The following GALNTL6 variants were observed in gnomAD, a reference collection of about 807,000 sequenced individuals.
GALNTL6 encodes the protein polypeptide N-acetylgalactosaminyltransferase like 6.
GALNTL6 carries 46 observed loss-of-function variants against 73.7 expected under a neutral mutation model. That is an observed-to-expected ratio of 0.62 (90% CI 0.49 to 0.80). The LOEUF (loss-of-function observed/expected upper bound fraction) is 0.80, where lower values mean the gene tolerates loss of function less well. Among genes scored for constraint, GALNTL6 ranks in the 30% least tolerant of loss-of-function variants. GALNTL6 has a pLI of 0.00. For missense variants in GALNTL6, 604 were observed against 755.0 expected, an observed-to-expected ratio of 0.80 and a Z score of 2.34; for synonymous variants, 259 against 263.7, an observed-to-expected ratio of 0.98 and a Z score of 0.17.
intron 2 of GALNTL6, among the ~76,000 whole-genome samples, chr4:171,940,398 A>T (rs1205614653): frequency 6.6e-6 from 1 of 152,122 alleles, no homozygotes; most frequent in South Asian, 2.1e-4. Context: ...TAATACATAT[A>T]GTGGTTGTTG....
chr4:172,090,434 C>T (rs923151081), intron 2 of GALNTL6, among the ~76,000 whole-genome samples: 4 of 152,194 alleles, frequency 2.6e-5, no homozygotes, highest in Admixed American at 6.5e-5. Flanking sequence ...TTTTGATTTA[C>T]ATTTCTCTAA....
intron 5 of GALNTL6, among the ~76,000 whole-genome samples, chr4:172,444,687 A>G (rs1731955389): frequency 6.6e-6 from 1 of 152,166 alleles, no homozygotes; most frequent in Non-Finnish European, 1.5e-5. Context: ...AAGCATGAGA[A>G]AGAAGATAAT....
chr4:172,534,870 A>C (rs1428732513), intron 5 of GALNTL6, among the ~76,000 whole-genome samples: 1 of 152,138 alleles, frequency 6.6e-6, no homozygotes, highest in Non-Finnish European at 1.5e-5. Flanking sequence ...CTGGCCTCTA[A>C]ATGACAGATT....
At chr4:172,137,391 T>C (rs1269377859) in intron 2 of GALNTL6, among the ~76,000 whole-genome samples, 2 of 152,200 alleles carry the variant, frequency 1.3e-5, no homozygotes, top group Non-Finnish European at 2.9e-5. Context: ...ACATTGTATA[T>C]AAATTTAATC....
intron 2 of GALNTL6, among the ~76,000 whole-genome samples, chr4:172,125,661 A>G (rs552318838): frequency 1.3e-5 from 2 of 152,282 alleles, no homozygotes; most frequent in African/African-American, 4.8e-5. Context: ...TTTGTCCTAC[A>G]CTTCCTCTTT....
intron 2 of GALNTL6, among the ~76,000 whole-genome samples, chr4:172,018,383 G>C (rs185622385): frequency 6.6e-6 from 1 of 152,100 alleles, no homozygotes; most frequent in African/African-American, 2.4e-5. Context: ...AGGGCTTGCT[G>C]AGGCCACTGT....
intron 5 of GALNTL6, among the ~76,000 whole-genome samples, chr4:172,517,873 G>A (rs1734657573): frequency 6.6e-6 from 1 of 152,032 alleles, no homozygotes; most frequent in African/African-American, 2.4e-5. Context: ...TAAATTCATA[G>A]CTTATCCAAA....
intron 2 of GALNTL6, among the ~76,000 whole-genome samples, chr4:171,994,729 A>G (rs542160771): frequency 6.6e-6 from 1 of 151,982 alleles, no homozygotes; most frequent in African/African-American, 2.4e-5. Flanking sequence ...CAAAATATGA[A>G]AAAAAAAGAA....
chr4:172,146,534 T>G (rs1393456690), intron 2 of GALNTL6, among the ~76,000 whole-genome samples: 18 of 152,208 alleles, frequency 1.2e-4, no homozygotes. Context: ...TTCTGCATAA[T>G]TATTTGTTAA....
intron 2 of GALNTL6, among the ~76,000 whole-genome samples, chr4:172,114,871 C>T (rs182242539): frequency 6.6e-6 from 1 of 152,136 alleles, no homozygotes; most frequent in East Asian, 1.9e-4. Context: ...TTACATACGA[C>T]AGTCGAGGGA....
chr4:172,423,919 G>A (rs750599771), intron 5 of GALNTL6, among the ~76,000 whole-genome samples: 45 of 152,132 alleles, frequency 3.0e-4, no homozygotes, highest in Non-Finnish European at 5.4e-4. Context: ...CTCTATATCC[G>A]TATCTTGATA....
rs543031508 is a variant in GALNTL6, at chr4:172,455,617, C to T, written c.553+106928C>T. 9.2e-5 allele frequency among the ~76,000 whole-genome samples: 14 copies of T among 152,198 alleles called. No homozygotes were observed. In the South Asian group the frequency reaches 2.1e-3, roughly 23 times the overall value. ...GAAGTTTGGACTGTGTGGAGCCCACCGCGTCTCGGCAAAACCACTGTAGCC... is the reference window on the plus strand; with the variant it reads ...GAAGTTTGGACTGTGTGGAGCCCACTGCGTCTCGGCAAAACCACTGTAGCC... On this transcript the variant is annotated intron_variant, in intron 5 of 12. Transcript: ENST00000506823.
intron 2 of GALNTL6, among the ~76,000 whole-genome samples, chr4:172,126,016 T>C (rs1400907758): frequency 1.3e-5 from 2 of 152,016 alleles, no homozygotes; most frequent in Non-Finnish European, 1.5e-5. Flanking sequence ...TATATACACA[T>C]TAGAATTTTT....
At chr4:172,271,507 T>C (rs1290165488) in intron 3 of GALNTL6, among the ~76,000 whole-genome samples, 1 of 152,168 alleles carries the variant, frequency 6.6e-6, no homozygotes, top group Non-Finnish European at 1.5e-5. Context: ...ATACATGTGA[T>C]GTGCATATGT....
chr4:172,525,778 G>C (rs1734930974), intron 5 of GALNTL6, among the ~76,000 whole-genome samples: 1 of 152,090 alleles, frequency 6.6e-6, no homozygotes, highest in Non-Finnish European at 1.5e-5. Context: ...TGGGAGGATG[G>C]CTTAAGCCCA....
chr4:172,013,067 A>G (rs988809046), intron 2 of GALNTL6, among the ~76,000 whole-genome samples: 1 of 152,088 alleles, frequency 6.6e-6, no homozygotes, highest in African/African-American at 2.4e-5. Context: ...ATAATTGTAT[A>G]TATTTATGGG....
At chr4:172,642,424 T>A (rs905003683) in intron 5 of GALNTL6, among the ~76,000 whole-genome samples, 4 of 152,010 alleles carry the variant, frequency 2.6e-5, no homozygotes, top group African/African-American at 9.7e-5. Flanking sequence ...AATCCTGTCA[T>A]TTGCAACAAA....
At chr4:172,662,900 C>G (rs1731452196) in intron 5 of GALNTL6, among the ~76,000 whole-genome samples, 1 of 152,194 alleles carries the variant, frequency 6.6e-6, no homozygotes, top group South Asian at 2.1e-4. Context: ...AGGTCAGGAA[C>G]AGCCTCCCTT....
chr4:172,213,352 G>T (rs1382607348), intron 2 of GALNTL6, among the ~76,000 whole-genome samples: 1 of 152,098 alleles, frequency 6.6e-6, no homozygotes, highest in African/African-American at 2.4e-5. Flanking sequence ...GACTTCCAAA[G>T]TGGCTATATC....
Sources: allele counts gnomAD v4.1 joint callset (sites outside exome capture counted in the v4.1 genomes callset), GRCh38; gene constraint gnomAD v4.1.1; transcripts MANE v1.5; gene names NCBI Gene and HGNC (gene_info 2026-07-23, HGNC 2026-07-21).